Variants in RAD51B observed in about 807,000 individuals in gnomAD.
RAD51B encodes DNA repair protein RAD51 homolog 2.
RAD51B carries 38 observed loss-of-function variants against 42.2 expected under a neutral mutation model. The observed-to-expected ratio is 0.90, with a 90% CI of 0.70 to 1.18. The LOEUF is 1.18. Ranked by LOEUF, RAD51B falls within the 50% of genes most tolerant of loss-of-function variation. The pLI, the probability that RAD51B is intolerant of heterozygous loss-of-function variation, is 0.00. For missense variants in RAD51B, 373 were observed against 400.7 expected (o/e 0.93, Z 0.59); for synonymous variants, 154 against 145.2 (o/e 1.06, Z -0.43).
chr14:68,128,777 T>G (rs1259504697), intron 7 of RAD51B, among the ~76,000 whole-genome samples: 1 of 152,204 alleles, frequency 6.6e-6, no homozygotes, highest in Non-Finnish European at 1.5e-5. Flanking sequence ...GATACACAGC[T>G]CTTACTAAGT....
intron 7 of RAD51B, among the ~76,000 whole-genome samples, chr14:68,155,780 A>G (rs2078491449): frequency 6.6e-6 from 1 of 152,220 alleles, no homozygotes; most frequent in Non-Finnish European, 1.5e-5. Flanking sequence ...CTAGAATGCA[A>G]ATGTGAATCC....
chr14:67,936,979 C>G (rs972232748), intron 7 of RAD51B, among the ~76,000 whole-genome samples: 1 of 152,022 alleles, frequency 6.6e-6, no homozygotes, highest in Non-Finnish European at 1.5e-5. Flanking sequence ...ATACAAGACC[C>G]TTAATAGATA....
intron 11 of RAD51B, among the ~76,000 whole-genome samples, chr14:68,661,972 C>T (rs1240821907): frequency 2.6e-5 from 4 of 152,232 alleles, no homozygotes; most frequent in Admixed American, 6.5e-5. Context: ...TTATTTATCT[C>T]TTCTGCTTTT....
At chr14:67,835,355 T>A (rs186024106) in intron 4 of RAD51B, among the ~76,000 whole-genome samples, 159 bp downstream of exon 4, 34 of 152,348 alleles carry the variant, frequency 2.2e-4, no homozygotes, top group African/African-American at 7.9e-4. Context: ...CTTAGTGTGG[T>A]TGTTCTGCAA....
At chr14:68,391,042 T>G (rs185971765) in intron 8 of RAD51B, among the ~76,000 whole-genome samples, 2 of 152,368 alleles carry the variant, frequency 1.3e-5, no homozygotes, top group East Asian at 3.9e-4. Flanking sequence ...CTTGGCTTTC[T>G]TTTGGAGAAT....
chr14:67,901,734 A>G (rs1938224718), intron 7 of RAD51B, among the ~76,000 whole-genome samples: 1 of 152,242 alleles, frequency 6.6e-6, no homozygotes, highest in African/African-American at 2.4e-5. Flanking sequence ...CTATTCAGCC[A>G]TAAAAAGAAT....
chr14:68,399,295 C>T (rs1314945222), intron 8 of RAD51B, among the ~76,000 whole-genome samples: 3 of 135,822 alleles, frequency 2.2e-5, no homozygotes, highest in Admixed American at 7.8e-5. Flanking sequence ...CTTACTGTGT[C>T]GCCCAGGCTG....
intron 10 of RAD51B, among the ~76,000 whole-genome samples, chr14:68,605,018 G>A (rs900923490): frequency 1.6e-4 from 24 of 152,246 alleles, no homozygotes; most frequent in Non-Finnish European, 2.2e-4. Context: ...GACGCCCACC[G>A]GTGTGGCCCA....
chr14:68,200,485 C>CA (rs2079460839), intron 7 of RAD51B, among the ~76,000 whole-genome samples: 1 of 152,002 alleles, frequency 6.6e-6, no homozygotes, highest in Non-Finnish European at 1.5e-5. Context: ...TTGAACAGAG[C>CA]AAAAAATGCT....
intron 4 of RAD51B, among the ~76,000 whole-genome samples, chr14:67,849,006 T>C (rs945063003): frequency 6.6e-6 from 1 of 152,232 alleles, no homozygotes; most frequent in Non-Finnish European, 1.5e-5. Flanking sequence ...TCTTGCTTCC[T>C]TCAAGACTTT....
intron 7 of RAD51B, among the ~76,000 whole-genome samples, chr14:68,060,582 A>G (rs2076551666): frequency 6.6e-6 from 1 of 152,218 alleles, no homozygotes; most frequent in African/African-American, 2.4e-5. Flanking sequence ...TTACATTGTT[A>G]TGAGCTGCTG....
At chr14:68,524,261 G>T (rs1886781848) in intron 10 of RAD51B, among the ~76,000 whole-genome samples, 1 of 152,154 alleles carries the variant, frequency 6.6e-6, no homozygotes, top group Admixed American at 6.5e-5. Context: ...AGCTATGCAT[G>T]TCAAAAGTTT....
intron 10 of RAD51B, among the ~76,000 whole-genome samples, chr14:68,473,695 G>A (rs1202333588): frequency 6.6e-6 from 1 of 151,968 alleles, no homozygotes; most frequent in South Asian, 2.1e-4. Context: ...CTAAAATTTT[G>A]TCCCATTTGT....
At chr14:68,278,097 A>G (rs76239314) in intron 7 of RAD51B, among the ~76,000 whole-genome samples, 1 of 152,284 alleles carries the variant, frequency 6.6e-6, no homozygotes, top group East Asian at 1.9e-4. Flanking sequence ...GAAATTTCCT[A>G]CACTTCTTGG....
intron 8 of RAD51B, among the ~76,000 whole-genome samples, chr14:68,381,409 C>A (rs995938966): frequency 3.9e-5 from 6 of 152,186 alleles, no homozygotes; most frequent in African/African-American, 1.2e-4. Flanking sequence ...GGCACGGTGG[C>A]TCACACCTGT....
chr14:68,483,643 C>T (rs541022006), intron 10 of RAD51B, among the ~76,000 whole-genome samples: 15 of 152,336 alleles, frequency 9.8e-5, no homozygotes, highest in Non-Finnish European at 1.8e-4. Context: ...ACATGATGCA[C>T]GTTCCTTCAA....
rs753867497 is a variant in RAD51B, at chr14:68,005,045, G to GTTTTTT, written c.756+117863_756+117868dup. Among the ~76,000 whole-genome samples, 20 of 79,498 alleles carry GTTTTTT rather than the reference G, an allele frequency of 2.5e-4. 1 individual carries two copies. Among genetic ancestry groups the GTTTTTT allele is most frequent in the Non-Finnish European group, 3.6e-4 (15 of 42,178 alleles). The allele number at this position is 79,498 out of a possible 152,430, so 52.2% of individuals were successfully genotyped here. ...CTACCATTCTACTGTGTGTGTGTGTGTTTTTTTTTTTTTTTTTTTTTTTTT... is the reference window on the plus strand; with the variant it reads ...CTACCATTCTACTGTGTGTGTGTGTGTTTTTTTTTTTTTTTTTTTTTTTTTTTTTTT... On this transcript the variant is annotated intron_variant, in intron 7 of 10. Transcript: ENST00000471583.
intron 7 of RAD51B, among the ~76,000 whole-genome samples, chr14:68,134,062 C>T (rs2077958336): frequency 6.6e-6 from 1 of 152,182 alleles, no homozygotes; most frequent in African/African-American, 2.4e-5. Flanking sequence ...AAATGCCTCA[C>T]TGTATTATCA....
At chr14:68,592,305 G>C (rs1211209952) in intron 10 of RAD51B, among the ~76,000 whole-genome samples, 1 of 151,842 alleles carries the variant, frequency 6.6e-6, no homozygotes, top group Admixed American at 6.6e-5. Flanking sequence ...GTATCAAAGA[G>C]AGGAGTCTGT....
Sources: allele counts gnomAD v4.1 joint callset (sites outside exome capture counted in the v4.1 genomes callset), GRCh38; gene constraint gnomAD v4.1.1; transcripts MANE v1.5; gene names NCBI Gene and HGNC (gene_info 2026-07-23, HGNC 2026-07-21).